Variants in VPS13B observed in about 807,000 individuals in gnomAD.
VPS13B encodes intermembrane lipid transfer protein VPS13B.
A neutral mutation model predicts 426.4 loss-of-function variants in VPS13B; 285 were observed. The observed-to-expected ratio is 0.67, with a 90% CI of 0.61 to 0.74. VPS13B has a LOEUF of 0.74. Ranked by LOEUF, VPS13B falls within the 30% of genes least tolerant of loss-of-function variation. The pLI is 0.00. For synonymous variants in VPS13B, 1,676 were observed against 1,676.4 expected (o/e 1.00, Z 0.01); for missense variants, 4,537 against 4,782.6 (o/e 0.95, Z 1.51).
chr8:99,802,732 G>T (rs1363455542), intron 43 of VPS13B, among the ~76,000 whole-genome samples: 1 of 152,062 alleles, frequency 6.6e-6, no homozygotes, highest in Admixed American at 6.5e-5. Flanking sequence ...CAATTAATCT[G>T]TTGTTAACTG....
chr8:99,446,498 G>C (rs1817929572), intron 23 of VPS13B, among the ~76,000 whole-genome samples: 1 of 152,026 alleles, frequency 6.6e-6, no homozygotes, highest in South Asian at 2.1e-4. Context: ...TTCAGATATT[G>C]CCTTTACTTT....
intron 55 of VPS13B, among the ~76,000 whole-genome samples, chr8:99,852,446 G>T (rs1168090394): frequency 6.6e-6 from 1 of 152,232 alleles, no homozygotes; most frequent in African/African-American, 2.4e-5. Flanking sequence ...GGCACTTTAA[G>T]AGGTCAGGGA....
At chr8:99,784,725 T>G (rs1812177799) in intron 43 of VPS13B, among the ~76,000 whole-genome samples, 1 of 152,086 alleles carries the variant, frequency 6.6e-6, no homozygotes, top group African/African-American at 2.4e-5. Context: ...AGAGGCTGAC[T>G]CGAGAGCCAG....
intron 19 of VPS13B, among the ~76,000 whole-genome samples, chr8:99,375,944 C>A (rs1813461235): frequency 6.6e-6 from 1 of 152,148 alleles, no homozygotes; most frequent in African/African-American, 2.4e-5. Flanking sequence ...GGCTGGCAAG[C>A]TTCTATAGCT....
At chr8:99,613,035 A>G (rs1031410965) in intron 33 of VPS13B, among the ~76,000 whole-genome samples, 5 of 152,124 alleles carry the variant, frequency 3.3e-5, no homozygotes, top group Non-Finnish European at 7.4e-5. Context: ...CCACCCTTGT[A>G]TCTTTTTTAA....
intron 12 of VPS13B, among the ~76,000 whole-genome samples, chr8:99,141,612 C>A (rs1474199680): frequency 1.3e-5 from 2 of 152,060 alleles, no homozygotes; most frequent in Admixed American, 6.5e-5. Context: ...ATACATCTTA[C>A]AAAATATGTA....
At chr8:99,378,140 C>CCCT (rs796179222) in intron 19 of VPS13B, among the ~76,000 whole-genome samples, 1 of 136,442 alleles carries the variant, frequency 7.3e-6, no homozygotes, top group Non-Finnish European at 1.6e-5. Flanking sequence ...TAGAGCCCCC[C>CCCT]CCCCCCGGAA....
At chr8:99,105,077 T>TAGGGATTA (rs1418311639) in intron 5 of VPS13B, among the ~76,000 whole-genome samples, 36 of 152,322 alleles carry the variant, frequency 2.4e-4, no homozygotes, top group Admixed American at 2.0e-3. Context: ...GGCATACAAC[T>TAGGGATTA]AGGAAGTAGC....
intron 26 of VPS13B, 54 bp downstream of exon 26, chr8:99,501,912 C>T: frequency 9.8e-6 from 14 of 1,426,246 alleles, no homozygotes; most frequent in Non-Finnish European, 1.3e-5. Context: ...CCCTCCCTCC[C>T]TCCCTCCCTC....
intron 17 of VPS13B, chr8:99,234,183 A>C (rs1327279796): frequency 1.0e-5 from 8 of 779,282 alleles, no homozygotes; most frequent in Admixed American, 1.7e-5. Context: ...GATGTAGGAA[A>C]TCTTGAAGGA....
intron 43 of VPS13B, among the ~76,000 whole-genome samples, chr8:99,802,233 ATATG>A (rs1813160719): frequency 6.6e-6 from 1 of 152,024 alleles, no homozygotes; most frequent in Non-Finnish European, 1.5e-5. Context: ...AATCATGTGA[ATATG>A]TAATATAGCA....
chr8:99,096,197 T>A, intron 3 of VPS13B, 115 bp from the exon 4 acceptor site: 1 of 1,219,768 alleles, frequency 8.2e-7, no homozygotes, highest in Admixed American at 2.7e-5. Flanking sequence ...AAAAATAAAA[T>A]TATGTTGATC....
intron 15 of VPS13B, among the ~76,000 whole-genome samples, chr8:99,165,423 T>C (rs972400480): frequency 2.6e-5 from 4 of 152,148 alleles, no homozygotes; most frequent in African/African-American, 9.7e-5. Context: ...TGGTATTGAG[T>C]AGCTAAGAGT....
intron 19 of VPS13B, among the ~76,000 whole-genome samples, chr8:99,360,678 A>G (rs1392062538): frequency 3.3e-5 from 5 of 152,102 alleles, no homozygotes; most frequent in African/African-American, 1.2e-4. Flanking sequence ...TTTTTCATGG[A>G]CATATACCGG....
chr8:99,532,158 T>A (rs1317171207), intron 30 of VPS13B, among the ~76,000 whole-genome samples: 1 of 152,198 alleles, frequency 6.6e-6, no homozygotes, highest in African/African-American at 2.4e-5. Flanking sequence ...TTTTCTGAAG[T>A]CCCTTCTGGA....
intron 39 of VPS13B, among the ~76,000 whole-genome samples, chr8:99,735,501 A>C (rs570748251): frequency 6.6e-6 from 1 of 152,314 alleles, no homozygotes; most frequent in East Asian, 1.9e-4. Context: ...ACTACAAGCC[A>C]AGGAACACCT....
At chr8:99,478,447 G>GTTTTTTTTTTTTTTTTTGTTTTTT (rs1819826219) in intron 24 of VPS13B, among the ~76,000 whole-genome samples, 2 of 85,776 alleles carry the variant, frequency 2.3e-5, no homozygotes, top group African/African-American at 5.1e-5. Flanking sequence ...TTTTTGTTTT[G>GTTTTTTTTTTTTTTTTTGTTTTTT]TTTTTTTTTT....
intron 15 of VPS13B, among the ~76,000 whole-genome samples, 186 bp from the exon 16 acceptor site, chr8:99,169,852 GT>G (rs1282218344): frequency 6.6e-6 from 1 of 152,040 alleles, no homozygotes; most frequent in Non-Finnish European, 1.5e-5. Flanking sequence ...GTATATTTAA[GT>G]TTCTTAATTT....
At chr8:99,845,794 C>G (rs1815951507) in intron 54 of VPS13B, among the ~76,000 whole-genome samples, 1 of 152,134 alleles carries the variant, frequency 6.6e-6, no homozygotes, top group Non-Finnish European at 1.5e-5. Flanking sequence ...TTAGGTTTTG[C>G]AGGCCTTATG....
Sources: gnomAD v4.1 joint callset for allele counts (sites outside exome capture counted in the v4.1 genomes callset) on GRCh38, gnomAD v4.1.1 for gene constraint, MANE v1.5 for transcripts, NCBI Gene and HGNC (gene_info 2026-07-23, HGNC 2026-07-21) for gene names.